The following ARSG variants were observed in gnomAD, a reference collection of about 807,000 sequenced individuals.
ARSG encodes the protein ASG.
A neutral mutation model predicts 50.5 loss-of-function variants in ARSG; 37 were observed. That is an observed-to-expected ratio of 0.73 (90% CI 0.56 to 0.96). The LOEUF (loss-of-function observed/expected upper bound fraction) is 0.96, where lower values mean the gene tolerates loss of function less well. Ranked by LOEUF, ARSG falls within the 50% of genes least tolerant of loss-of-function variation. ARSG has a pLI of 0.00. For missense variants in ARSG, 629 were observed against 675.3 expected, an observed-to-expected ratio of 0.93 and a Z score of 0.76; for synonymous variants, 225 against 254.6, an observed-to-expected ratio of 0.88 and a Z score of 1.11.
chr17:68,354,419 A>G (rs1213710292), intron 5 of ARSG, among the ~76,000 whole-genome samples: 1 of 148,020 alleles, frequency 6.8e-6, no homozygotes, highest in African/African-American at 2.5e-5. Context: ...TCTCAAAAAA[A>G]AAAAAAAAGA....
intron 8 of ARSG, among the ~76,000 whole-genome samples, chr17:68,377,141 C>A (rs967263971): frequency 6.6e-6 from 1 of 152,152 alleles, no homozygotes; most frequent in South Asian, 2.1e-4. Context: ...GGATTACAGG[C>A]GTGAGCCACC....
the ARSG span, chr17:68,434,444 C>T: frequency 2.8e-6 from 3 of 1,062,574 alleles, no homozygotes; most frequent in African/African-American, 3.2e-5. Flanking sequence ...ACACTTCCTC[C>T]AGGTGAGTGG....
chr17:68,436,462 T>C, the ARSG span: 12 of 1,613,738 alleles, frequency 7.4e-6, 1 homozygote, highest in South Asian at 4.4e-5. Flanking sequence ...GAATGGTTGA[T>C]AGAGAGAGCA....
the ARSG span, among the ~76,000 whole-genome samples, chr17:68,429,667 C>T: frequency 1.3e-5 from 2 of 152,118 alleles, no homozygotes; most frequent in African/African-American, 4.8e-5. Flanking sequence ...CGGCTCACTG[C>T]AACCTCCGCC....
chr17:68,416,527 G>A (rs1297195450), intron 11 of ARSG, among the ~76,000 whole-genome samples: 1 of 152,148 alleles, frequency 6.6e-6, no homozygotes, highest in South Asian at 2.1e-4. Context: ...AGCAAGGCCA[G>A]GGAAGTTTTC....
the ARSG span, chr17:68,428,952 A>G: frequency 5.6e-6 from 9 of 1,600,094 alleles, no homozygotes; most frequent in African/African-American, 1.2e-4. Flanking sequence ...GGCCAAGGAA[A>G]ACATAAACCG....
chr17:68,287,991 T>TA (rs2075881402), upstream of ARSG, among the ~76,000 whole-genome samples: 1 of 128,940 alleles, frequency 7.8e-6, no homozygotes, highest in Non-Finnish European at 1.7e-5. Flanking sequence ...CCCTCCTTTC[T>TA]TTTTTTTTTT....
chr17:68,361,311 C>A (rs9284341), intron 6 of ARSG, among the ~76,000 whole-genome samples: 73,418 of 152,028 alleles, frequency 0.48, 17,950 homozygotes, highest in African/African-American at 0.53. Flanking sequence ...GAAAGAGACT[C>A]TGGTGTGCTC....
the ARSG span, among the ~76,000 whole-genome samples, chr17:68,441,773 C>A: frequency 6.6e-6 from 1 of 152,194 alleles, no homozygotes; most frequent in Non-Finnish European, 1.5e-5. Context: ...TGATCATCTC[C>A]ATTTTACTGC....
chr17:68,395,098 G>T lies in ARSG; in HGVS notation c.1117G>T (p.Val373Leu). 2 of 1,614,074 alleles carry T rather than the reference G, an allele frequency of 1.2e-6. No homozygotes were observed. The highest frequency in any genetic ancestry group is 1.7e-6 in the Non-Finnish European group (2 of 1,179,944). ...CGTGCTGGACATTTTTCCAACTGTGGTAGCCCTGGCCCAGGCCAGCTTACC... is the reference window on the plus strand; with the variant it reads ...CGTGCTGGACATTTTTCCAACTGTGTTAGCCCTGGCCCAGGCCAGCTTACC... ...LSVLDIFPTV[V>L]ALAQASLPQG... Residue 373 changes from valine to leucine, a missense_variant, in exon 10 of 12, where the codon GTA (valine) becomes TTA (leucine). Val to Leu is a conservative substitution (Grantham distance 32). Transcript: ENST00000621439.
intron 10 of ARSG, among the ~76,000 whole-genome samples, chr17:68,396,540 C>T (rs867864833): frequency 6.6e-6 from 1 of 152,152 alleles, no homozygotes; most frequent in African/African-American, 2.4e-5. Flanking sequence ...AGCACAGAGT[C>T]CCCTCTGCAA....
intron 1 of ARSG, among the ~76,000 whole-genome samples, chr17:68,286,258 T>C (rs2075839921): frequency 6.6e-6 from 1 of 152,320 alleles, no homozygotes; most frequent in Admixed American, 6.5e-5. Context: ...ATCAGATGTT[T>C]ACACTTGCAA....
At chr17:68,308,577 C>T (rs1355607539) in intron 2 of ARSG, among the ~76,000 whole-genome samples, 2 of 152,200 alleles carry the variant, frequency 1.3e-5, no homozygotes, top group African/African-American at 2.4e-5. Flanking sequence ...AGATTTATTG[C>T]AGAGAGCGAA....
At chr17:68,364,133 G>A (rs908187308) in intron 6 of ARSG, among the ~76,000 whole-genome samples, 1 of 152,064 alleles carries the variant, frequency 6.6e-6, no homozygotes, top group Non-Finnish European at 1.5e-5. Context: ...AACGGTCCCT[G>A]CACCATAATC....
the ARSG span, among the ~76,000 whole-genome samples, chr17:68,432,396 A>G: frequency 6.6e-6 from 1 of 152,106 alleles, no homozygotes; most frequent in Non-Finnish European, 1.5e-5. Context: ...AAATCTTGGC[A>G]CCTCTCTTTC....
chr17:68,259,548 G>A (rs2075041052), intron 1 of ARSG: 1 of 152,178 alleles, frequency 6.6e-6, no homozygotes, highest in Admixed American at 6.5e-5. Context: ...TATAATACAA[G>A]CCACATATGT....
intron 1 of ARSG, among the ~76,000 whole-genome samples, chr17:68,265,428 A>T (rs1415108900): frequency 6.6e-6 from 1 of 152,180 alleles, no homozygotes; most frequent in Non-Finnish European, 1.5e-5. Context: ...CTGGAGGTGG[A>T]GGTTGCAGTG....
chr17:68,344,387 A>T (rs2078412525), intron 3 of ARSG, among the ~76,000 whole-genome samples: 1 of 152,232 alleles, frequency 6.6e-6, no homozygotes. Context: ...TATTAGCAGG[A>T]TACATGGGGA....
the ARSG span, among the ~76,000 whole-genome samples, chr17:68,431,948 C>T: frequency 6.6e-6 from 1 of 152,172 alleles, no homozygotes; most frequent in African/African-American, 2.4e-5. Context: ...TGAACGGCAT[C>T]TTAACAGCTC....
Sources: allele counts gnomAD v4.1 joint callset (sites outside exome capture counted in the v4.1 genomes callset), GRCh38; gene constraint gnomAD v4.1.1; transcripts MANE v1.5; gene names NCBI Gene and HGNC (gene_info 2026-07-23, HGNC 2026-07-21).